COPG1: variants seen among roughly 807,000 people sequenced by gnomAD.
The protein encoded by COPG1 is coatomer subunit gamma-1.
A neutral mutation model predicts 102.8 loss-of-function variants in COPG1; 29 were observed. The observed-to-expected ratio is 0.28, with a 90% CI of 0.21 to 0.38. The LOEUF is 0.38. COPG1 is among the 10% of genes least tolerant of loss of function. The probability of loss-of-function intolerance (pLI) is 1.00; values close to 1 mark genes in which losing one functional copy is unlikely to be tolerated. For synonymous variants in COPG1, 406 were observed against 421.6 expected, an observed-to-expected ratio of 0.96 and a Z score of 0.45; for missense variants, 875 against 1,132.7, an observed-to-expected ratio of 0.77 and a Z score of 3.27.
At chr3:129,276,149 CATA>C (rs756750265) in intron 23 of COPG1, among the ~76,000 whole-genome samples, 50 of 152,342 alleles carry the variant, frequency 3.3e-4, no homozygotes, top group Admixed American at 5.2e-4. Context: ...CTGTGGACAA[CATA>C]ATATGTTACC....
At chr3:129,276,745 C>G (rs892147316) in intron 23 of COPG1, among the ~76,000 whole-genome samples, 8 of 151,858 alleles carry the variant, frequency 5.3e-5, no homozygotes, top group Admixed American at 3.3e-4. Context: ...TTGAACTTAG[C>G]AGAAGCCTGA....
rs750334981 is a variant in COPG1, at chr3:129,271,896, A to G, written c.1973A>G (p.His658Arg). 5.0e-6 allele frequency: 8 copies of G among 1,613,908 alleles called. No individual in the cohort carries two copies. Among genetic ancestry groups the G allele is most frequent in the Non-Finnish European group, 6.8e-6 (8 of 1,179,982 alleles). The change falls in exon 19 of 24, where the codon CAC becomes CGC. Residue 658 changes from histidine to arginine, a missense_variant. Physicochemically the swap from His to Arg is conservative, Grantham distance 29. Transcript: ENST00000314797. The surrounding 1 kb of genome is among the most constrained non-coding windows in gnomAD (Gnocchi z 4.7). ...IRCTKHTFTNHMVFQFDCTNT... is the reference protein window; with the variant it reads ...IRCTKHTFTNRMVFQFDCTNT... ...TGCACCAAACACACCTTCACCAACC[A>G]CATGGTTTTTCAGGTGAGCAAGGTG...
intron 1 of COPG1, among the ~76,000 whole-genome samples, chr3:129,249,973 A>AACC (rs1939658581): frequency 8.0e-6 from 1 of 125,428 alleles, no homozygotes; most frequent in Non-Finnish European, 1.8e-5. Context: ...CGCGACAAAC[A>AACC]CCCCCCCCCC....
chr3:129,250,868 G>T, intron 2 of COPG1, 134 bp downstream of exon 2: 1 of 545,866 alleles, frequency 1.8e-6, no homozygotes, highest in Non-Finnish European at 3.4e-6. Flanking sequence ...TTTTCTGGAA[G>T]ACAGGAAAAC....
chr3:129,265,677 G>T lies in COPG1; in HGVS notation c.1353G>T (p.Leu451=), dbSNP rs983912665. The change falls in exon 14 of 24, where the codon CTG becomes CTT. Residue 451 remains leucine (L), a synonymous_variant. Transcript: ENST00000314797. ...EFIEDCEFTV[L]ATRILHLLGQ... is the part of the protein sequence containing the mutation. Reference sequence around the variant, plus strand: ...TCGAGGACTGCGAGTTCACAGTGCTGGCCACCCGTATTCTACATCTCCTGG... The same window carrying T: ...TCGAGGACTGCGAGTTCACAGTGCTTGCCACCCGTATTCTACATCTCCTGG... 3.7e-6 allele frequency: 6 copies of T among 1,614,054 alleles called. No homozygotes were observed. Among genetic ancestry groups the T allele is most frequent in the Middle Eastern group, 3.3e-4 (2 of 6,084 alleles).
chr3:129,249,854 G>A, intron 1 of COPG1, 108 bp downstream of exon 1: 1 of 1,212,978 alleles, frequency 8.2e-7, no homozygotes, highest in Non-Finnish European at 1.2e-6. Context: ...AGGGGCAGGG[G>A]CTTGTGCCAG....
chr3:129,250,789 A>G (rs1255977987), intron 2 of COPG1, 55 bp downstream of exon 2: 1 of 1,437,094 alleles, frequency 7.0e-7, no homozygotes, highest in East Asian at 2.3e-5. Flanking sequence ...CCACCAATGC[A>G]ACTGAAATAC....
At chr3:129,252,998 T>C (rs769542037) in intron 5 of COPG1, 43 bp downstream of exon 5, 13 of 1,542,362 alleles carry the variant, frequency 8.4e-6, no homozygotes, top group African/African-American at 1.4e-5. Flanking sequence ...TGGGTTCCAT[T>C]GACAGACCAT....
At chr3:129,252,732 G>T (rs1277147451) in intron 4 of COPG1, 38 bp downstream of exon 4, 1 of 1,593,968 alleles carries the variant, frequency 6.3e-7, no homozygotes, top group Non-Finnish European at 8.6e-7. Flanking sequence ...AGAGGTGGCA[G>T]CTGTAACAAG....
intron 12 of COPG1, among the ~76,000 whole-genome samples, chr3:129,262,303 A>G (rs1489069329): frequency 6.7e-6 from 1 of 148,294 alleles, no homozygotes; most frequent in African/African-American, 2.5e-5. Flanking sequence ...CTCAGGCTGG[A>G]GTGCAGTGGT....
Position 129,254,665 on chromosome 3 carries a change from C to T in COPG1, c.324-3C>T. 2 of 1,613,400 alleles carry T rather than the reference C, an allele frequency of 1.2e-6. No homozygotes were observed. The highest frequency in any genetic ancestry group is 1.1e-5 in the South Asian group (1 of 91,050). On this transcript the variant is annotated splice_region_variant and splice_polypyrimidine_tract_variant and intron_variant, in intron 5 of 23. Coordinates refer to ENST00000314797, the MANE Select transcript of COPG1 (RefSeq NM_016128.4). ...CATGCTGACAATGCCTTCTTCCCTG[C>T]AGCCTAACAAAAGACATGACTGGGA...
At chr3:129,262,935 G>A (rs1264108293) in intron 12 of COPG1, among the ~76,000 whole-genome samples, 1 of 150,120 alleles carries the variant, frequency 6.7e-6, no homozygotes, top group Non-Finnish European at 1.5e-5. Flanking sequence ...TAGGAGAGTC[G>A]CTTGACCTGG....
Position 129,257,464 on chromosome 3 carries a change from C to CTA in COPG1, c.580-3_580-2dup, listed in dbSNP as rs531273625. 1 of 1,614,160 alleles carries CTA rather than the reference C, an allele frequency of 6.2e-7. No homozygotes were observed. The highest frequency in any genetic ancestry group is 8.5e-7 in the Non-Finnish European group (1 of 1,180,018). ...TTGTACTCTGTTGCTGTCTCCTGTC[C>CTA]TATAGTACCACGCACTAGGGCTCCT... On this transcript the variant is annotated splice_polypyrimidine_tract_variant and splice_region_variant and intron_variant, in intron 8 of 23. Coordinates refer to ENST00000314797, the MANE Select transcript of COPG1 (RefSeq NM_016128.4).
At chr3:129,274,697 A>G (rs1293736529) in intron 21 of COPG1, 141 bp from the exon 22 acceptor site, 9 of 931,956 alleles carry the variant, frequency 9.7e-6, no homozygotes, top group Middle Eastern at 3.5e-4. Flanking sequence ...AAGTTGCTCT[A>G]TGTCCCCAGA....
chr3:129,268,463 T>C, intron 16 of COPG1, 32 bp from the exon 17 acceptor site: 2 of 1,610,384 alleles, frequency 1.2e-6, no homozygotes, highest in Non-Finnish European at 1.7e-6. Context: ...TTGCTCTATC[T>C]GCCAGGCATG....
chr3:129,257,393 G>A, intron 8 of COPG1, 77 bp from the exon 9 acceptor site: 1 of 1,520,530 alleles, frequency 6.6e-7, no homozygotes, highest in Non-Finnish European at 9.1e-7. Context: ...GAAGGCTGAA[G>A]GACCCACCCA....
chr3:129,277,302 C>T lies in COPG1; in HGVS notation c.2503C>T (p.Arg835Trp), dbSNP rs1430513783. The T allele has an allele frequency of 2.5e-6, 4 of 1,613,824 alleles. No homozygotes were observed. The highest frequency in any genetic ancestry group is 1.7e-5 in the Admixed American group (1 of 60,000). The part of the protein sequence containing the change: ...THTLLLAGVF[R>W]GGHDILVRSR... Reference sequence around the variant, plus strand: ...TCTCTCTTCCCTTCTAGGTGTGTTCCGGGGTGGTCATGACATCCTGGTGCG... The same window carrying T: ...TCTCTCTTCCCTTCTAGGTGTGTTCTGGGGTGGTCATGACATCCTGGTGCG... Residue 835 changes from arginine to tryptophan, a missense_variant, in exon 24 of 24, where the codon CGG (arginine) becomes TGG (tryptophan). Physicochemically the swap from Arg to Trp is moderately radical, Grantham distance 101. Coordinates refer to ENST00000314797, the MANE Select transcript of COPG1 (RefSeq NM_016128.4).
intron 21 of COPG1, among the ~76,000 whole-genome samples, chr3:129,273,192 T>G (rs939913953): frequency 3.3e-5 from 5 of 152,094 alleles, no homozygotes; most frequent in Admixed American, 2.0e-4. Flanking sequence ...CTGCCAAATT[T>G]TTTGTATTTT....
At chr3:129,260,859 C>T in intron 12 of COPG1, 52 bp downstream of exon 12, 1 of 1,573,840 alleles carries the variant, frequency 6.4e-7, no homozygotes, top group Non-Finnish European at 8.7e-7. Flanking sequence ...GAGCTCTGTC[C>T]CTGCTCTCTG....
Sources: allele counts gnomAD v4.1 joint callset (sites outside exome capture counted in the v4.1 genomes callset), GRCh38; gene constraint gnomAD v4.1.1; non-coding constraint Gnocchi (gnomAD v3.1); transcripts MANE v1.5; gene names NCBI Gene and HGNC (gene_info 2026-07-23, HGNC 2026-07-21).